The following SHOC2 variants were observed in gnomAD, a reference collection of about 807,000 sequenced individuals.
The protein encoded by SHOC2 is leucine-rich repeat protein SHOC-2.
In SHOC2, 4 loss-of-function variants were observed where a neutral mutation model predicts 50.2. The ratio of observed to expected loss-of-function variants is 0.08; its 90% CI spans 0.04 to 0.18. The LOEUF is 0.18. Among genes scored for constraint, SHOC2 ranks in the 10% least tolerant of loss-of-function variants. The probability of loss-of-function intolerance (pLI) is 1.00; values close to 1 mark genes in which losing one functional copy is unlikely to be tolerated. For missense variants in SHOC2, 388 were observed against 669.6 expected (o/e 0.58, Z 4.64); for synonymous variants, 218 against 244.5 (o/e 0.89, Z 1.01).
intron 2 of SHOC2, among the ~76,000 whole-genome samples, chr10:110,972,022 G>C (rs1382712922): frequency 1.3e-5 from 2 of 151,618 alleles, no homozygotes; most frequent in South Asian, 4.1e-4. Context: ...TAATTTTTCT[G>C]TGAATTTTTT....
chr10:110,960,749 C>T (rs1847554826), intron 1 of SHOC2, among the ~76,000 whole-genome samples: 1 of 152,182 alleles, frequency 6.6e-6, no homozygotes, highest in Non-Finnish European at 1.5e-5. Context: ...AATCTCAGCT[C>T]ACTGCAACCA....
intron 1 of SHOC2, among the ~76,000 whole-genome samples, chr10:110,962,447 C>T (rs186323651): frequency 9.9e-5 from 15 of 152,228 alleles, no homozygotes; most frequent in African/African-American, 1.7e-4. Flanking sequence ...CTCTCTCCAT[C>T]GCAGTGCAAA....
chr10:111,003,739 A>T (rs1361792061), intron 4 of SHOC2, among the ~76,000 whole-genome samples: 4 of 152,206 alleles, frequency 2.6e-5, no homozygotes, highest in African/African-American at 9.6e-5. Context: ...GTGGGGCCCA[A>T]GAGTCTGCAT....
At chr10:110,935,684 C>A (rs1465415126) in intron 1 of SHOC2, among the ~76,000 whole-genome samples, 1 of 151,790 alleles carries the variant, frequency 6.6e-6, no homozygotes, top group Non-Finnish European at 1.5e-5. Flanking sequence ...TTTATTATAT[C>A]ATTATGGTTA....
chr10:110,952,511 TC>T (rs1247712129), intron 1 of SHOC2, among the ~76,000 whole-genome samples: 1 of 152,150 alleles, frequency 6.6e-6, no homozygotes, highest in African/African-American at 2.4e-5. Context: ...TTCCACCTAT[TC>T]ATCCCTCACT....
intron 1 of SHOC2, among the ~76,000 whole-genome samples, chr10:110,921,434 T>G (rs1467035480): frequency 6.6e-6 from 1 of 152,208 alleles, no homozygotes; most frequent in Non-Finnish European, 1.5e-5. Flanking sequence ...ATGTCTGAAA[T>G]TTAATATAAA....
chr10:111,009,690 C>T lies in SHOC2; in HGVS notation c.1423-23C>T, dbSNP rs780937391. On this transcript the variant is annotated intron_variant, in intron 7 of 8. Coordinates refer to ENST00000369452, the MANE Select transcript of SHOC2 (RefSeq NM_007373.4). ...ATGTAGGAAATATATTTGTAACTCT[C>T]TTTTATTTTGTAAATCTTTTAGAAA... The T allele has an allele frequency of 6.5e-6, 9 of 1,391,742 alleles. No individual in the cohort carries two copies. In the African/African-American group the frequency reaches 9.9e-5, roughly 15 times the overall value. 86.2% of individuals were successfully genotyped at this position (1,391,742 alleles called of 1,614,324 possible).
chr10:110,972,956 A>G (rs1345009763), intron 2 of SHOC2, among the ~76,000 whole-genome samples: 2 of 152,176 alleles, frequency 1.3e-5, no homozygotes, highest in African/African-American at 4.8e-5. Flanking sequence ...GGAGGCAGAC[A>G]TTGTACCGTA....
intron 1 of SHOC2, among the ~76,000 whole-genome samples, chr10:110,960,152 A>G (rs575620701): frequency 2.0e-5 from 3 of 152,388 alleles, no homozygotes; most frequent in Admixed American, 2.0e-4. Flanking sequence ...TTGGGAAACT[A>G]TGGCCTGATG....
intron 4 of SHOC2, 117 bp from the exon 5 acceptor site, chr10:111,004,489 C>A: frequency 1.4e-6 from 1 of 730,724 alleles, no homozygotes; most frequent in Non-Finnish European, 2.4e-6. Flanking sequence ...CCCAACCAGT[C>A]TCTGTCATTT....
At chr10:110,927,638 A>T (rs1789201659) in intron 1 of SHOC2, among the ~76,000 whole-genome samples, 1 of 152,294 alleles carries the variant, frequency 6.6e-6, no homozygotes, top group Non-Finnish European at 1.5e-5. Flanking sequence ...GTATTTTTTA[A>T]ATTTTCCCCA....
intron 1 of SHOC2, among the ~76,000 whole-genome samples, chr10:110,935,732 G>C (rs535774413): frequency 5.9e-5 from 9 of 152,076 alleles, no homozygotes; most frequent in Non-Finnish European, 1.0e-4. Context: ...TAAGAGATAA[G>C]TCAAGGTATG....
intron 1 of SHOC2, among the ~76,000 whole-genome samples, chr10:110,928,737 A>C (rs1846827529): frequency 1.3e-5 from 2 of 152,108 alleles, no homozygotes; most frequent in African/African-American, 2.4e-5. Context: ...TCTACCAAAA[A>C]TACAAAAATT....
chr10:110,969,513 A>G (rs1015898257), intron 2 of SHOC2, among the ~76,000 whole-genome samples: 5 of 152,194 alleles, frequency 3.3e-5, no homozygotes, highest in Admixed American at 6.5e-5. Context: ...GAAGTTTTAA[A>G]GGATTTTATT....
chr10:110,953,703 GATAT>G (rs1017872807), intron 1 of SHOC2, among the ~76,000 whole-genome samples: 2 of 150,868 alleles, frequency 1.3e-5, no homozygotes, highest in African/African-American at 4.9e-5. Flanking sequence ...TTGAGAGAGA[GATAT>G]ATATATACAC....
chr10:110,967,756 G>T (rs1847704063), intron 2 of SHOC2, among the ~76,000 whole-genome samples: 1 of 152,060 alleles, frequency 6.6e-6, no homozygotes, highest in African/African-American at 2.4e-5. Flanking sequence ...CTTTTAATTT[G>T]CATAATATTT....
intron 1 of SHOC2, among the ~76,000 whole-genome samples, chr10:110,960,341 C>T (rs1012748340): frequency 6.6e-6 from 1 of 152,208 alleles, no homozygotes; most frequent in Non-Finnish European, 1.5e-5. Context: ...AAAAAGTTTG[C>T]TCACCCTTGA....
chr10:110,954,147 A>C (rs1250791349), intron 1 of SHOC2, among the ~76,000 whole-genome samples: 2 of 151,588 alleles, frequency 1.3e-5, no homozygotes, highest in African/African-American at 4.8e-5. Flanking sequence ...TTTAGTGTTC[A>C]CAGTATATAC....
intron 1 of SHOC2, among the ~76,000 whole-genome samples, chr10:110,939,189 T>A (rs1447937415): frequency 6.6e-6 from 1 of 152,272 alleles, no homozygotes; most frequent in African/African-American, 2.4e-5. Flanking sequence ...ATTTTTTTGC[T>A]ATTTTTTTTA....
Sources: gnomAD v4.1 joint callset for allele counts (sites outside exome capture counted in the v4.1 genomes callset) on GRCh38, gnomAD v4.1.1 for gene constraint, MANE v1.5 for transcripts, NCBI Gene and HGNC (gene_info 2026-07-23, HGNC 2026-07-21) for gene names.